The following NEDD4 variants were observed in gnomAD, a reference collection of about 807,000 sequenced individuals.
The protein encoded by NEDD4 is E3 ubiquitin-protein ligase NEDD4.
Under a neutral mutation model 144.9 loss-of-function variants are expected in NEDD4, and 99 were observed. The observed-to-expected ratio is 0.68, with a 90% confidence interval of 0.58 to 0.81. The LOEUF is 0.81. Ranked by LOEUF, NEDD4 falls within the 30% of genes least tolerant of loss-of-function variation. NEDD4 has a pLI of 0.00. For missense variants in NEDD4, 985 were observed against 1,065.9 expected, an observed-to-expected ratio of 0.92 and a Z score of 1.06; for synonymous variants, 318 against 350.6, an observed-to-expected ratio of 0.91 and a Z score of 1.04.
At chr15:55,843,358 A>G (rs2033601964) in intron 18 of NEDD4, among the ~76,000 whole-genome samples, 1 of 152,252 alleles carries the variant, frequency 6.6e-6, no homozygotes, top group Admixed American at 6.5e-5. Context: ...ATAAAACTGA[A>G]GAAGACGACT....
rs1389287031 is a variant in NEDD4, at chr15:55,860,680, T to C, written c.773A>G (p.Asp258Gly). ...TTATACCTCGGAAGACTCTCGGTTG[T>C]CAACACTTTCTGTTTCCTCGGATAT... ...RQISEETESV[D>G]NRESSENWEI... Residue 258 changes from aspartate (D) to glycine (G), a missense_variant, in exon 10 of 29, where the codon GAC becomes GGC. By Grantham distance (94) the Asp-to-Gly change is moderately conservative. Coordinates refer to ENST00000435532, the MANE Select transcript of NEDD4 (RefSeq NM_006154.4). The C allele has an allele frequency of 6.2e-7, 1 of 1,614,170 alleles. No homozygotes were observed. Among genetic ancestry groups the C allele is most frequent in the Non-Finnish European group, 8.5e-7 (1 of 1,179,992 alleles).
chr15:55,938,479 C>G (rs1210311573), intron 4 of NEDD4, among the ~76,000 whole-genome samples: 1 of 152,056 alleles, frequency 6.6e-6, no homozygotes, highest in African/African-American at 2.4e-5. Context: ...ATTAAAGACA[C>G]AAACAAGACC....
chr15:55,892,881 T>C (rs1292191371), intron 5 of NEDD4, among the ~76,000 whole-genome samples: 1 of 152,168 alleles, frequency 6.6e-6, no homozygotes, highest in Non-Finnish European at 1.5e-5. Context: ...TTTCCTTAAC[T>C]AGTTCCCTAT....
intron 2 of NEDD4, among the ~76,000 whole-genome samples, chr15:55,955,357 A>G (rs1343667209): frequency 5.9e-5 from 9 of 152,120 alleles, no homozygotes; most frequent in Non-Finnish European, 1.3e-4. Flanking sequence ...TTTTAATTGC[A>G]CATACATTAA....
At chr15:55,889,979 AG>A (rs2035514936) in intron 5 of NEDD4, among the ~76,000 whole-genome samples, 1 of 152,222 alleles carries the variant, frequency 6.6e-6, no homozygotes, top group African/African-American at 2.4e-5. Context: ...CTAGGATTAC[AG>A]GCATGAACCA....
At chr15:55,920,923 CTT>C (rs1489293534) in intron 5 of NEDD4, among the ~76,000 whole-genome samples, 1 of 150,894 alleles carries the variant, frequency 6.6e-6, no homozygotes, top group African/African-American at 2.4e-5. Context: ...ATCTTTGGCT[CTT>C]TGTTTTGCTG....
intron 1 of NEDD4, among the ~76,000 whole-genome samples, chr15:55,989,375 C>T (rs1354979380): frequency 2.6e-5 from 4 of 152,150 alleles, no homozygotes; most frequent in African/African-American, 9.7e-5. Context: ...ATGGCAAAAA[C>T]AATACATGAA....
chr15:55,854,211 A>C (rs2034105087), intron 12 of NEDD4, among the ~76,000 whole-genome samples: 1 of 152,156 alleles, frequency 6.6e-6, no homozygotes, highest in African/African-American at 2.4e-5. Context: ...GAACCAGATA[A>C]GCCCTGGTTT....
At chr15:55,837,629 T>C (rs1240308778) in intron 24 of NEDD4, among the ~76,000 whole-genome samples, 160 bp downstream of exon 24, 1 of 152,140 alleles carries the variant, frequency 6.6e-6, no homozygotes, top group African/African-American at 2.4e-5. Context: ...ACTTCTTGAA[T>C]GACTGAATGG....
In NEDD4 at chr15:55,951,434, G is replaced by A; in HGVS notation, c.199-20C>T. 8.5e-7 allele frequency: 1 copy of A among 1,176,592 alleles called. No homozygotes were observed. Among genetic ancestry groups the A allele is most frequent in the African/African-American group, 1.6e-5 (1 of 63,844 alleles). The allele number at this position is 1,176,592 out of a possible 1,614,324, so 72.9% of individuals were successfully genotyped here. A position where few individuals can be genotyped will look rare whatever the true frequency, so the allele number is the denominator to read the frequency against. On this transcript the variant is annotated intron_variant, in intron 3 of 28. Coordinates refer to ENST00000435532, the MANE Select transcript of NEDD4 (RefSeq NM_006154.4). ...CAAACTCTAAAAAATAATAAACATA[G>A]TATAACTAAATAAGGTTTTGTCTTA...
chr15:55,944,665 T>A (rs754422888), intron 4 of NEDD4, among the ~76,000 whole-genome samples: 4 of 152,172 alleles, frequency 2.6e-5, no homozygotes, highest in African/African-American at 9.6e-5. Flanking sequence ...TGAGCTCTGA[T>A]AACAAGAGAC....
At chr15:55,964,579 A>G (rs1285200386) in intron 2 of NEDD4, among the ~76,000 whole-genome samples, 1 of 150,874 alleles carries the variant, frequency 6.6e-6, no homozygotes, top group Non-Finnish European at 1.5e-5. Flanking sequence ...TTCTTTTTAG[A>G]TAAGTAATTT....
At chr15:55,837,720 G>T in intron 24 of NEDD4, 69 bp downstream of exon 24, 1 of 1,065,424 alleles carries the variant, frequency 9.4e-7, no homozygotes. Flanking sequence ...GATGTGATGA[G>T]GCCTAATATT....
chr15:55,866,803 G>A (rs903987867), intron 8 of NEDD4, among the ~76,000 whole-genome samples: 3 of 152,088 alleles, frequency 2.0e-5, no homozygotes, highest in Non-Finnish European at 2.9e-5. Context: ...AATCAAACAC[G>A]GCTTAGAAAG....
chr15:55,894,991 C>G (rs1223825547), intron 5 of NEDD4, among the ~76,000 whole-genome samples: 1 of 152,140 alleles, frequency 6.6e-6, no homozygotes, highest in African/African-American at 2.4e-5. Flanking sequence ...TTTCAACTTT[C>G]TTTCCACCTC....
intron 5 of NEDD4, among the ~76,000 whole-genome samples, chr15:55,923,484 A>T (rs2036606224): frequency 6.6e-6 from 1 of 151,820 alleles, no homozygotes; most frequent in Admixed American, 6.6e-5. Context: ...CATCTCTACT[A>T]AAATTCACAA....
At chr15:55,949,149 C>T (rs1288761677) in intron 4 of NEDD4, among the ~76,000 whole-genome samples, 10 of 152,304 alleles carry the variant, frequency 6.6e-5, no homozygotes, top group African/African-American at 2.2e-4. Flanking sequence ...AGGATATGAA[C>T]AGACACTTCT....
At chr15:55,941,567 C>CT (rs774423759) in intron 4 of NEDD4, among the ~76,000 whole-genome samples, 3,774 of 140,014 alleles carry the variant, frequency 0.027, 149 homozygotes, top group African/African-American at 0.085. Context: ...TGTTAAATTT[C>CT]TTTTTTTTTT....
At chr15:55,910,145 T>C (rs796067596) in intron 5 of NEDD4, among the ~76,000 whole-genome samples, 20 of 152,318 alleles carry the variant, frequency 1.3e-4, no homozygotes, top group African/African-American at 4.6e-4. Flanking sequence ...ACATCTTATA[T>C]CCACTTCACA....
Sources: gnomAD v4.1 joint callset for allele counts (sites outside exome capture counted in the v4.1 genomes callset) on GRCh38, gnomAD v4.1.1 for gene constraint, MANE v1.5 for transcripts, NCBI Gene and HGNC (gene_info 2026-07-23, HGNC 2026-07-21) for gene names.